The following CBLN1 variants were observed in gnomAD, a reference collection of about 807,000 sequenced individuals.
The protein encoded by CBLN1 is cerebellin-1.
In CBLN1, 5 loss-of-function variants were observed where a neutral mutation model predicts 15.9. That is an observed-to-expected ratio of 0.31 (90% CI 0.16 to 0.66). CBLN1 has a LOEUF of 0.66. Among genes scored for constraint, CBLN1 ranks in the 30% least tolerant of loss-of-function variants. CBLN1 has a pLI of 0.75. For synonymous variants in CBLN1, 90 were observed against 107.6 expected (o/e 0.84, Z 1.01); for missense variants, 164 against 253.7 (o/e 0.65, Z 2.40).
chr16:49,280,368 G>A (rs1038000169), intron 2 of CBLN1, among the ~76,000 whole-genome samples: 1 of 152,208 alleles, frequency 6.6e-6, no homozygotes, highest in African/African-American at 2.4e-5. Context: ...GGAGAGAGTA[G>A]CACTACGCCC....
At chr16:49,279,964 C>T (rs1218820244) in intron 2 of CBLN1, among the ~76,000 whole-genome samples, 1 of 152,144 alleles carries the variant, frequency 6.6e-6, no homozygotes, top group Non-Finnish European at 1.5e-5. Context: ...CGTTTCCCCT[C>T]AGCCTCAAAA....
At chr16:49,279,974 A>C (rs949703756) in intron 2 of CBLN1, among the ~76,000 whole-genome samples, 1 of 152,022 alleles carries the variant, frequency 6.6e-6, no homozygotes, top group Non-Finnish European at 1.5e-5. Context: ...CAGCCTCAAA[A>C]AACAAACAAC....
At chr16:49,280,865 C>G in intron 2 of CBLN1, 58 bp downstream of exon 2, 1 of 1,608,666 alleles carries the variant, frequency 6.2e-7, no homozygotes, top group Non-Finnish European at 8.5e-7. Flanking sequence ...AGCCCGAGCA[C>G]CCCTGAGGCC....
chr16:49,280,176 C>A (rs1482353818), intron 2 of CBLN1, among the ~76,000 whole-genome samples: 2 of 152,202 alleles, frequency 1.3e-5, no homozygotes, highest in African/African-American at 2.4e-5. Flanking sequence ...GGCTCAATTC[C>A]CTCCCCCATC....
intron 2 of CBLN1, 37 bp downstream of exon 2, chr16:49,280,886 C>CT: frequency 1.2e-6 from 2 of 1,613,834 alleles, no homozygotes; most frequent in Non-Finnish European, 1.7e-6. Context: ...AGTAACCCCC[C>CT]TACGGGGCCA....
At chr16:49,280,450 C>T (rs1005117168) in intron 2 of CBLN1, among the ~76,000 whole-genome samples, 1 of 152,192 alleles carries the variant, frequency 6.6e-6, no homozygotes, top group Non-Finnish European at 1.5e-5. Context: ...CCACAGTCCG[C>T]ACGGGGTGGG....
Position 49,279,051 on chromosome 16 carries a change from A to G in CBLN1, c.*353T>C, listed in dbSNP as rs1289045951. 3.8e-6 allele frequency: 1 copy of G among 260,174 alleles called. No individual in the cohort carries two copies. The highest frequency in any genetic ancestry group is 1.0e-4 in the East Asian group (1 of 9,556). 16.1% of individuals were successfully genotyped at this position (260,174 alleles called of 1,614,324 possible). The stretch of plus-strand genomic sequence containing the variant: ...AGAGGGGGCTAGGGAGAAAGATTTC[A>G]GATTATGTAGTGAAATACAAAGTTT... On this transcript the variant is annotated 3_prime_UTR_variant, in exon 3 of 3. Coordinates refer to ENST00000219197, the MANE Select transcript of CBLN1 (RefSeq NM_004352.4).
In CBLN1 at chr16:49,279,261, C is replaced by G. The variant is rs911778208; in HGVS notation, c.*143G>C. The G allele has an allele frequency of 1.4e-6, 1 of 722,150 alleles. No individual in the cohort carries two copies. Among genetic ancestry groups the G allele is most frequent in the Non-Finnish European group, 2.3e-6 (1 of 433,818 alleles). The allele number at this position is 722,150 out of a possible 1,614,324, so 44.7% of individuals were successfully genotyped here. A position where few individuals can be genotyped will look rare whatever the true frequency, so the allele number is the denominator to read the frequency against. ...GGACAAAGTTGTCCCACAGCTGGCG[C>G]GCACCTTTTTACCCAGATACAGTTA... On this transcript the variant is annotated 3_prime_UTR_variant, in exon 3 of 3. Transcript: ENST00000219197.
In CBLN1 at chr16:49,281,325, C is replaced by G; in HGVS notation, c.141G>C (p.Thr47=). ...GCACAGAGATGCCCAGGGCAGTGCC[C>G]GTGGGGTCGGACGTGGGGTTGGAGT... is the stretch of plus-strand genomic sequence containing the variant. ...VCDSNPTSDP[T]GTALGISVRS... The change falls in exon 1 of 3, where the codon ACG becomes ACC. Residue 47 remains threonine, a synonymous_variant. Coordinates refer to ENST00000219197, the MANE Select transcript of CBLN1 (RefSeq NM_004352.4). The G allele has an allele frequency of 1.2e-6, 2 of 1,613,232 alleles. No individual in the cohort carries two copies. Among genetic ancestry groups the G allele is most frequent in the South Asian group, 2.2e-5 (2 of 91,082 alleles).
rs1267539942 is a variant in CBLN1 at position 49,277,924 on chromosome 16, CT to C, written c.*1479del. ...GAAGCAACTGGGTCAGCCTTTCAGA[CT>C]TAAAACGAAGTCGTTTATTTCATTT... On this transcript the variant is annotated 3_prime_UTR_variant, in exon 3 of 3. Coordinates refer to ENST00000219197, the MANE Select transcript of CBLN1 (RefSeq NM_004352.4). The C allele has an allele frequency of 2.6e-5, 4 of 152,236 alleles. 1 individual carries two copies. Among genetic ancestry groups the C allele is most frequent in the Admixed American group, 1.3e-4 (2 of 15,288 alleles). The allele number at this position is 152,236 out of a possible 1,614,324, so 9.4% of individuals were successfully genotyped here. A position where few individuals can be genotyped will look rare whatever the true frequency, so the allele number is the denominator to read the frequency against.
rs1421195752 is a variant in CBLN1, at chr16:49,279,166, G to C, written c.*238C>G. 7.3e-6 allele frequency: 4 copies of C among 545,400 alleles called. No homozygotes were observed. The East Asian group carries it at 1.2e-4, about 17-fold the overall frequency. The allele number at this position is 545,400 out of a possible 1,614,324, so 33.8% of individuals were successfully genotyped here. ...CTTGATTACTGCAACTGGAATGGGG[G>C]AGGCGAGTTTATTTTTGGAAATGGG... is the stretch of plus-strand genomic sequence containing the variant. On this transcript the variant is annotated 3_prime_UTR_variant, in exon 3 of 3. Coordinates refer to ENST00000219197, the MANE Select transcript of CBLN1 (RefSeq NM_004352.4).
Position 49,279,041 on chromosome 16 carries a change from G to GA in CBLN1, c.*362dup, listed in dbSNP as rs768979344. Reference sequence around the variant, plus strand: ...AGAAGGATTCAGAGGGGGCTAGGGAGAAAGATTTCAGATTATGTAGTGAAA... The same window carrying GA: ...AGAAGGATTCAGAGGGGGCTAGGGAGAAAAGATTTCAGATTATGTAGTGAAA... On this transcript the variant is annotated 3_prime_UTR_variant, in exon 3 of 3. Transcript: ENST00000219197. 1.6e-5 allele frequency: 4 copies of GA among 243,428 alleles called. No homozygotes were observed. The highest frequency in any genetic ancestry group is 2.3e-5 in the Non-Finnish European group (3 of 127,768). 15.1% of individuals were successfully genotyped at this position (243,428 alleles called of 1,614,324 possible).
At chr16:49,281,085 C>A (rs761876924) in intron 1 of CBLN1, 43 bp from the exon 2 acceptor site, 1 of 1,614,076 alleles carries the variant, frequency 6.2e-7, no homozygotes, top group Non-Finnish European at 8.5e-7. Context: ...AGGAATCGGT[C>A]CCGGACTGTC....
Position 49,281,643 on chromosome 16 carries a change from C to G in CBLN1, c.-178G>C. On this transcript the variant is annotated 5_prime_UTR_variant, in exon 1 of 3. Coordinates refer to ENST00000219197, the MANE Select transcript of CBLN1 (RefSeq NM_004352.4). ...GGACTAGCGTCCCCTCCGCGACTAG[C>G]GTCCCCTCCGCGCTGTGTTCCCGGA... 2 of 417,014 alleles carry G rather than the reference C, an allele frequency of 4.8e-6. No individual in the cohort carries two copies. The highest frequency in any genetic ancestry group is 8.2e-6 in the Non-Finnish European group (2 of 244,838). The allele number at this position is 417,014 out of a possible 1,614,324, so 25.8% of individuals were successfully genotyped here.
At chr16:49,279,994 A>G (rs1963241963) in intron 2 of CBLN1, among the ~76,000 whole-genome samples, 1 of 152,116 alleles carries the variant, frequency 6.6e-6, no homozygotes, top group African/African-American at 2.4e-5. Context: ...CAAACAAAAA[A>G]AACCCAGCAA....
At position 49,281,689 on chromosome 16, in the gene CBLN1, G is replaced by C. The variant is rs1963307027; in HGVS notation, c.-224C>G. The C allele has an allele frequency of 5.2e-6, 2 of 383,212 alleles. No individual in the cohort carries two copies. Among genetic ancestry groups the C allele is most frequent in the Non-Finnish European group, 9.1e-6 (2 of 218,788 alleles). 23.7% of individuals were successfully genotyped at this position (383,212 alleles called of 1,614,324 possible). On this transcript the variant is annotated 5_prime_UTR_variant, in exon 1 of 3. Coordinates refer to ENST00000219197, the MANE Select transcript of CBLN1 (RefSeq NM_004352.4). Reference sequence around the variant, plus strand: ...CCGGAGCCCCTCCCGGGCCTCAGGGGTGCCGCGGCTGCCCAGCCGCACTTG... The same window carrying C: ...CCGGAGCCCCTCCCGGGCCTCAGGGCTGCCGCGGCTGCCCAGCCGCACTTG...
Position 49,277,957 on chromosome 16 carries a change from T to C in CBLN1, c.*1447A>G, listed in dbSNP as rs933598324. On this transcript the variant is annotated 3_prime_UTR_variant, in exon 3 of 3. Transcript: ENST00000219197. Reference sequence around the variant, plus strand: ...GAAGTCGTTTATTTCATTTTTGCTTTCACATTATGTTCCGATACAATCAAA... The same window carrying C: ...GAAGTCGTTTATTTCATTTTTGCTTCCACATTATGTTCCGATACAATCAAA... The C allele has an allele frequency of 1.3e-5, 2 of 152,216 alleles. No homozygotes were observed. Among genetic ancestry groups the C allele is most frequent in the African/African-American group, 4.8e-5 (2 of 41,450 alleles). The allele number at this position is 152,216 out of a possible 1,614,324, so 9.4% of individuals were successfully genotyped here.
At position 49,281,432 on chromosome 16, in the gene CBLN1, C is replaced by T. The variant is rs763392751; in HGVS notation, c.34G>A (p.Ala12Thr). Reference protein sequence around the residue: ...LGVLELLLLGAAWLAGPARGQ... With the variant: ...LGVLELLLLGTAWLAGPARGQ... ...CGGGCCGGGCCCGCCAGCCACGCAG[C>T]CCCCAGCAGCAGCAGCTCCAGGACG... Residue 12 changes from alanine to threonine, a missense_variant, in exon 1 of 3, where the codon GCT (alanine) becomes ACT (threonine). By Grantham distance (58) the Ala-to-Thr change is moderately conservative. Around this residue, in one of 3 missense-constraint regions of CBLN1, gnomAD observed 127 missense variants for 179.7 expected, o/e 0.71. Transcript: ENST00000219197. 6.3e-7 allele frequency: 1 copy of T among 1,591,664 alleles called. No homozygotes were observed. Among genetic ancestry groups the T allele is most frequent in the Admixed American group, 1.7e-5 (1 of 59,264 alleles).
intron 1 of CBLN1, 59 bp downstream of exon 1, chr16:49,281,143 T>G (rs780954789): frequency 6.2e-7 from 1 of 1,613,896 alleles, no homozygotes; most frequent in Non-Finnish European, 8.5e-7. Flanking sequence ...GCATCGGTCT[T>G]CCATCCATCC....
Sources: gnomAD v4.1 joint callset for allele counts (sites outside exome capture counted in the v4.1 genomes callset) on GRCh38, gnomAD v4.1.1 for gene constraint, gnomAD v4.1.1 regional missense constraint, MANE v1.5 for transcripts, NCBI Gene and HGNC (gene_info 2026-07-23, HGNC 2026-07-21) for gene names.